Variants in PDIA3 observed in about 807,000 individuals in gnomAD.
PDIA3 encodes protein disulfide-isomerase A3.
PDIA3 carries 16 observed loss-of-function variants against 56.9 expected under a neutral mutation model. That is an observed-to-expected ratio of 0.28 (90% confidence interval 0.19 to 0.43). The LOEUF is 0.43. Ranked by LOEUF, PDIA3 falls within the 20% of genes least tolerant of loss-of-function variation. The pLI is 1.00. For missense variants in PDIA3, 485 were observed against 621.3 expected, an observed-to-expected ratio of 0.78 and a Z score of 2.33; for synonymous variants, 192 against 216.5, an observed-to-expected ratio of 0.89 and a Z score of 0.99.
intron 3 of PDIA3, among the ~76,000 whole-genome samples, chr15:43,757,259 A>G (rs143659295): frequency 7.9e-5 from 12 of 152,138 alleles, no homozygotes; most frequent in Non-Finnish European, 1.5e-4. Context: ...CCCATCTCCA[A>G]TAAAAAGTTT....
chr15:43,756,703 C>A lies in PDIA3; in HGVS notation c.301C>A (p.Pro101Thr). ...TAATAAATATGGAGTCAGTGGATAT[C>A]CAACCCTGAAGATATTTAGAGATGG... ...TCNKYGVSGYPTLKIFRDGEE... is the reference protein window; with the variant it reads ...TCNKYGVSGYTTLKIFRDGEE... The change falls in exon 3 of 13, where the codon CCA becomes ACA. Residue 101 changes from proline to threonine, a missense_variant. Physicochemically the swap from Pro to Thr is conservative, Grantham distance 38. Coordinates refer to ENST00000300289, the MANE Select transcript of PDIA3 (RefSeq NM_005313.5). The A allele has an allele frequency of 6.2e-7, 1 of 1,610,628 alleles. No individual in the cohort carries two copies. Among genetic ancestry groups the A allele is most frequent in the Non-Finnish European group, 8.5e-7 (1 of 1,178,604 alleles).
intron 1 of PDIA3, chr15:43,752,781 A>G (rs1567155367): frequency 2.1e-6 from 1 of 470,994 alleles, no homozygotes; most frequent in South Asian, 1.5e-5. Flanking sequence ...TTATATTTCT[A>G]TTTTTGCTGT....
chr15:43,752,933 G>A (rs903245933), intron 1 of PDIA3: 2 of 466,228 alleles, frequency 4.3e-6, no homozygotes, highest in Non-Finnish European at 8.9e-6. Context: ...GCTTCTGGTG[G>A]CCCTCTGGGA....
intron 1 of PDIA3, among the ~76,000 whole-genome samples, chr15:43,750,668 G>T (rs575344652): frequency 6.6e-6 from 1 of 151,590 alleles, no homozygotes; most frequent in Admixed American, 6.6e-5. Flanking sequence ...CCAGCTACTC[G>T]GGAGGCTGAG....
At chr15:43,752,946 G>A (rs1203514124) in intron 1 of PDIA3, 2 of 461,026 alleles carry the variant, frequency 4.3e-6, no homozygotes, top group Admixed American at 2.4e-5. Context: ...CTCTGGGAAA[G>A]GTATTCTAGT....
chr15:43,761,893 T>A (rs1332413581), intron 4 of PDIA3, among the ~76,000 whole-genome samples: 3 of 152,184 alleles, frequency 2.0e-5, no homozygotes, highest in Non-Finnish European at 4.4e-5. Context: ...CTCTGAGATT[T>A]GACTCACAAT....
At chr15:43,759,094 T>C (rs1322057766) in intron 3 of PDIA3, among the ~76,000 whole-genome samples, 1 of 152,028 alleles carries the variant, frequency 6.6e-6, no homozygotes, top group Non-Finnish European at 1.5e-5. Flanking sequence ...AGCGAGACCA[T>C]CCTGGCTAAC....
At chr15:43,759,332 C>A (rs2086799886) in intron 3 of PDIA3, among the ~76,000 whole-genome samples, 1 of 152,086 alleles carries the variant, frequency 6.6e-6, no homozygotes, top group Non-Finnish European at 1.5e-5. Flanking sequence ...TATATATGAT[C>A]CAGCTTCTGT....
At position 43,746,450 on chromosome 15, in the gene PDIA3, G is replaced by T. The variant is rs1567153471; in HGVS notation, c.-90G>T. The stretch of plus-strand genomic sequence containing the variant: ...GTCCGCCTGGGCCAGACGCGCGAGC[G>T]CAAGCAGCGGGTTAGTGGTCGCGCG... On this transcript the variant is annotated 5_prime_UTR_variant, in exon 1 of 13. Transcript: ENST00000300289. 5.5e-6 allele frequency: 7 copies of T among 1,272,722 alleles called. No individual in the cohort carries two copies. The highest frequency in any genetic ancestry group is 3.1e-6 in the Non-Finnish European group (3 of 967,646). The allele number at this position is 1,272,722 out of a possible 1,614,324, so 78.8% of individuals were successfully genotyped here. A position where few individuals can be genotyped will look rare whatever the true frequency, so the allele number is the denominator to read the frequency against.
Position 43,769,577 on chromosome 15 carries a change from T to A in PDIA3, c.1197T>A (p.Ile399=). 6 of 1,612,954 alleles carry A rather than the reference T, an allele frequency of 3.7e-6. No homozygotes were observed. The highest frequency in any genetic ancestry group is 5.1e-6 in the Non-Finnish European group (6 of 1,178,898). Residue 399 remains isoleucine (I), a synonymous_variant, in exon 10 of 13, where the codon ATT becomes ATA. Coordinates refer to ENST00000300289, the MANE Select transcript of PDIA3 (RefSeq NM_005313.5). ...ATAATGAAAATAAAGATGTGCTGATTGAATTTTATGCCCCTTGGTGTGGTC... is the reference window on the plus strand; with the variant it reads ...ATAATGAAAATAAAGATGTGCTGATAGAATTTTATGCCCCTTGGTGTGGTC... ...IVNNENKDVL[I]EFYAPWCGHC...
intron 3 of PDIA3, among the ~76,000 whole-genome samples, chr15:43,760,148 T>C (rs561309090): frequency 6.6e-6 from 1 of 151,822 alleles, no homozygotes; most frequent in Admixed American, 6.6e-5. Context: ...CCCAGCACTT[T>C]GGGAAGCTGA....
chr15:43,750,193 TTA>T (rs1491474347), intron 1 of PDIA3, among the ~76,000 whole-genome samples: 132 of 141,126 alleles, frequency 9.4e-4, no homozygotes, highest in South Asian at 2.7e-3. Flanking sequence ...TTTTTTTTTT[TTA>T]AGTAGAGACC....
At chr15:43,758,703 C>T (rs1459038862) in intron 3 of PDIA3, among the ~76,000 whole-genome samples, 12 of 148,466 alleles carry the variant, frequency 8.1e-5, no homozygotes, top group South Asian at 4.3e-4. Context: ...AGGCCAGGCA[C>T]GGTAGCTCAT....
chr15:43,748,898 A>G (rs1744066574), intron 1 of PDIA3, among the ~76,000 whole-genome samples: 1 of 151,480 alleles, frequency 6.6e-6, no homozygotes, highest in African/African-American at 2.4e-5. Context: ...CCTCCCGAGT[A>G]GCTGGGATTA....
intron 8 of PDIA3, among the ~76,000 whole-genome samples, 182 bp downstream of exon 8, chr15:43,767,092 G>A (rs1309336930): frequency 1.3e-5 from 2 of 152,246 alleles, no homozygotes; most frequent in South Asian, 2.1e-4. Context: ...GCTCACGCCT[G>A]TAATCCCAGC....
At chr15:43,753,791 A>G (rs2086759499) in intron 1 of PDIA3, 33 bp from the exon 2 acceptor site, 1 of 1,419,494 alleles carries the variant, frequency 7.0e-7, no homozygotes, top group East Asian at 2.3e-5. Flanking sequence ...ATAGGACTAA[A>G]CTGAGAATTT....
Position 43,753,879 on chromosome 15 carries a change from A to G in PDIA3, c.223A>G (p.Lys75Glu). ...GTATGAAGCTGCAGCTACCAGATTAAAAGGAATAGTCCCATTAGCAAAGGT... is the reference window on the plus strand; with the variant it reads ...GTATGAAGCTGCAGCTACCAGATTAGAAGGAATAGTCCCATTAGCAAAGGT... ...PEYEAAATRLKGIVPLAKVDC... is the reference protein window; with the variant it reads ...PEYEAAATRLEGIVPLAKVDC... The change falls in exon 2 of 13, where the codon AAA becomes GAA. Residue 75 changes from lysine to glutamate, a missense_variant. Coordinates refer to ENST00000300289, the MANE Select transcript of PDIA3 (RefSeq NM_005313.5). 1 of 1,613,050 alleles carries G rather than the reference A, an allele frequency of 6.2e-7. No individual in the cohort carries two copies. Among genetic ancestry groups the G allele is most frequent in the Non-Finnish European group, 8.5e-7 (1 of 1,179,040 alleles).
rs372252152 is a variant in PDIA3, at chr15:43,753,818, A to G, written c.168-6A>G. ...TGAGAATTTGGCTTTTTTAATACGT[A>G]TATAGGTGTGGACACTGCAAGAGAC... On this transcript the variant is annotated splice_region_variant and splice_polypyrimidine_tract_variant and intron_variant, in intron 1 of 12. Transcript: ENST00000300289. 4.1e-5 allele frequency: 66 copies of G among 1,605,568 alleles called. No individual in the cohort carries two copies. The highest frequency in any genetic ancestry group is 5.3e-5 in the Non-Finnish European group (62 of 1,172,416).
At chr15:43,747,668 A>G (rs528367831) in intron 1 of PDIA3, among the ~76,000 whole-genome samples, 49 of 152,196 alleles carry the variant, frequency 3.2e-4, no homozygotes, top group South Asian at 1.2e-3. Flanking sequence ...AATTCAATAT[A>G]TATAATTACA....
Sources: allele counts gnomAD v4.1 joint callset (sites outside exome capture counted in the v4.1 genomes callset), GRCh38; gene constraint gnomAD v4.1.1; transcripts MANE v1.5; gene names NCBI Gene and HGNC (gene_info 2026-07-23, HGNC 2026-07-21).